CD99L2: variants seen among roughly 807,000 people sequenced by gnomAD.
CD99L2 encodes CD99 molecule like 2, also known as CD99 antigen-like protein 2.
In CD99L2, 24 loss-of-function variants were observed where a neutral mutation model predicts 27.3. The observed-to-expected ratio is 0.88, with a 90% CI of 0.64 to 1.24. The LOEUF (loss-of-function observed/expected upper bound fraction) is 1.24. CD99L2 is among the 50% of genes most tolerant of loss of function. The probability of loss-of-function intolerance (pLI) is 0.00; values close to 1 mark genes in which losing one functional copy is unlikely to be tolerated. For missense variants in CD99L2, 255 were observed against 221.6 expected, an observed-to-expected ratio of 1.15 and a Z score of -0.96; for synonymous variants, 97 against 87.9, an observed-to-expected ratio of 1.10 and a Z score of -0.58.
intron 2 of CD99L2, among the ~76,000 whole-genome samples, chrX:150,828,147 C>T (rs1274847197): frequency 9.0e-6 from 1 of 111,611 alleles, no homozygotes; most frequent in African/African-American, 3.3e-5. Context: ...TTATCCACTT[C>T]TGCAAAAAAT....
intron 2 of CD99L2, among the ~76,000 whole-genome samples, chrX:150,830,054 C>T (rs963019055): frequency 6.4e-5 from 7 of 110,236 alleles, no homozygotes; most frequent in Admixed American, 4.9e-4. Context: ...ACTTGGGAGG[C>T]TGAGGCAGGA....
chrX:150,877,812 G>A (rs139442884), intron 1 of CD99L2, among the ~76,000 whole-genome samples: 141 of 109,332 alleles, frequency 1.3e-3, no homozygotes, highest in African/African-American at 4.5e-3. Context: ...GTGAGTCCAC[G>A]TCTCAAAAAA....
In CD99L2 at chrX:150,838,627, G is replaced by T. The variant is rs902967691; in HGVS notation, c.68-7334C>A. 3.8e-5 allele frequency among the ~76,000 whole-genome samples: 4 copies of T among 105,616 alleles called. 1 individual carries two copies. In the South Asian group the frequency reaches 1.3e-3, roughly 33 times the overall value. 91.7% of individuals were successfully genotyped at this position (105,616 alleles called of 115,157 possible). A position where few individuals can be genotyped will look rare whatever the true frequency, so the allele number is the denominator to read the frequency against. On this transcript the variant is annotated intron_variant, in intron 1 of 10. Coordinates refer to ENST00000370377, the MANE Select transcript of CD99L2 (RefSeq NM_031462.4). ...CCCATTTAAGGGGAAAAAATAAAAG[G>T]ACAATAGCAACAACCAAAACTCAGT... is the stretch of plus-strand genomic sequence containing the variant.
chrX:150,787,926 A>ATATATATATATATATATATATATAT (rs2045625602), intron 7 of CD99L2, among the ~76,000 whole-genome samples: 2 of 90,889 alleles, frequency 2.2e-5, no homozygotes, highest in Non-Finnish European at 4.3e-5. Context: ...ATATATATAT[A>ATATATATATATATATATATATATAT]AAAGGAGTCC....
intron 9 of CD99L2, chrX:150,771,935 T>C (rs1416690541): frequency 5.8e-6 from 5 of 859,367 alleles, no homozygotes; most frequent in Non-Finnish European, 8.2e-6. Flanking sequence ...GTCCCCAGCA[T>C]GGGCCTTTTG....
At chrX:150,794,475 T>C (rs2045755647) in intron 6 of CD99L2, among the ~76,000 whole-genome samples, 1 of 112,234 alleles carries the variant, frequency 8.9e-6, no homozygotes, top group South Asian at 3.7e-4. Flanking sequence ...ATTTTTGTTA[T>C]GCAGCAAGGA....
intron 4 of CD99L2, among the ~76,000 whole-genome samples, chrX:150,805,119 C>T (rs1557420200): frequency 1.8e-5 from 2 of 111,652 alleles, no homozygotes; most frequent in African/African-American, 3.3e-5. Flanking sequence ...TCCCAGGAGG[C>T]GGAGGTTGCA....
At chrX:150,770,968 T>C (rs891468775) in intron 9 of CD99L2, among the ~76,000 whole-genome samples, 39 of 112,580 alleles carry the variant, frequency 3.5e-4, no homozygotes, top group African/African-American at 1.1e-3. Flanking sequence ...TAGTTAGTTA[T>C]CTAGGCTTTC....
At chrX:150,890,355 T>C (rs1442680584) in intron 1 of CD99L2, among the ~76,000 whole-genome samples, 3 of 109,112 alleles carry the variant, frequency 2.7e-5, no homozygotes, top group African/African-American at 1.0e-4. Context: ...GGCAGGCGCC[T>C]GTAATCCCGG....
chrX:150,842,084 GC>G (rs1557421365), intron 1 of CD99L2, among the ~76,000 whole-genome samples: 3 of 111,793 alleles, frequency 2.7e-5, no homozygotes, highest in Non-Finnish European at 5.6e-5. Context: ...TATCTGGGCA[GC>G]CAGTATTCAA....
chrX:150,853,094 G>C (rs975938428), intron 1 of CD99L2, among the ~76,000 whole-genome samples: 4 of 111,380 alleles, frequency 3.6e-5, no homozygotes, highest in Non-Finnish European at 7.5e-5. Context: ...GAGGTATACA[G>C]GGGACTACTA....
At chrX:150,873,043 G>A (rs75272795) in intron 1 of CD99L2, among the ~76,000 whole-genome samples, 1 of 111,744 alleles carries the variant, frequency 8.9e-6, no homozygotes, top group Admixed American at 9.5e-5. Context: ...ACCAGACACT[G>A]GGAAAAAACC....
chrX:150,871,256 G>C (rs2047152143), intron 1 of CD99L2, among the ~76,000 whole-genome samples: 1 of 111,755 alleles, frequency 8.9e-6, no homozygotes, highest in Non-Finnish European at 1.9e-5. Context: ...CCCCACACCA[G>C]AGATTACTCA....
chrX:150,795,591 C>T (rs1302571944), intron 4 of CD99L2, 105 bp from the exon 5 acceptor site: 1 of 781,524 alleles, frequency 1.3e-6, no homozygotes, highest in African/African-American at 2.0e-5. Flanking sequence ...TGTCTTGGTC[C>T]TTGAGGCTCC....
intron 1 of CD99L2, among the ~76,000 whole-genome samples, chrX:150,873,928 C>T (rs1247677239): frequency 8.9e-6 from 1 of 112,583 alleles, no homozygotes; most frequent in Non-Finnish European, 1.9e-5. Flanking sequence ...ATTCAAGTTT[C>T]TGCAAATTCA....
intron 1 of CD99L2, among the ~76,000 whole-genome samples, chrX:150,834,881 A>G (rs1557421151): frequency 8.9e-6 from 1 of 112,567 alleles, no homozygotes; most frequent in Non-Finnish European, 1.9e-5. Context: ...AATGTGGTAC[A>G]TATATAAATG....
rs2043344988 is a variant in CD99L2, at chrX:150,768,297, A to G, written c.*737T>C. 1 of 112,146 alleles carries G rather than the reference A, an allele frequency of 8.9e-6. No homozygotes were observed. Among genetic ancestry groups the G allele is most frequent in the African/African-American group, 3.2e-5 (1 of 30,803 alleles). 9.2% of individuals were successfully genotyped at this position (112,146 alleles called of 1,213,427 possible). A position where few individuals can be genotyped will look rare whatever the true frequency, so the allele number is the denominator to read the frequency against. Reference sequence around the variant, plus strand: ...ACCCGAAGGCCACACCCAGCCCCCTATGGAATCAGATGGGAAACAGGCCTA... The same window carrying G: ...ACCCGAAGGCCACACCCAGCCCCCTGTGGAATCAGATGGGAAACAGGCCTA... On this transcript the variant is annotated 3_prime_UTR_variant, in exon 11 of 11. Transcript: ENST00000370377.
At chrX:150,823,843 A>G (rs1439608411) in intron 2 of CD99L2, among the ~76,000 whole-genome samples, 1 of 110,313 alleles carries the variant, frequency 9.1e-6, no homozygotes, top group Non-Finnish European at 1.9e-5. Flanking sequence ...TAATCCATGA[A>G]TGGGTTAATT....
At chrX:150,846,215 AAC>A (rs2046700819) in intron 1 of CD99L2, among the ~76,000 whole-genome samples, 1 of 112,202 alleles carries the variant, frequency 8.9e-6, no homozygotes, top group Admixed American at 9.5e-5. Context: ...TAATAAAAAT[AAC>A]TTAAAAATAA....
Sources: gnomAD v4.1 joint callset for allele counts (sites outside exome capture counted in the v4.1 genomes callset) on GRCh38, gnomAD v4.1.1 for gene constraint, MANE v1.5 for transcripts, NCBI Gene and HGNC (gene_info 2026-07-23, HGNC 2026-07-21) for gene names.